Variants in PSD3 observed in about 807,000 individuals in gnomAD.
The protein encoded by PSD3 is PH and SEC7 domain-containing protein 3.
In PSD3, 49 loss-of-function variants were observed where a neutral mutation model predicts 105.5. That is an observed-to-expected ratio of 0.46 (90% confidence interval 0.37 to 0.59). PSD3 has a LOEUF of 0.59. PSD3 is among the 20% of genes least tolerant of loss of function. The pLI is 0.00. For missense variants in PSD3, 1,561 were observed against 1,263.8 expected (o/e 1.24, Z -3.57); for synonymous variants, 557 against 457.8 (o/e 1.22, Z -2.77).
chr8:18,813,152 T>C (rs1160503766), intron 4 of PSD3, among the ~76,000 whole-genome samples: 1 of 152,188 alleles, frequency 6.6e-6, no homozygotes, highest in Non-Finnish European at 1.5e-5. Context: ...TGGCTTGAGA[T>C]GTGCATGGAG....
At chr8:18,612,276 C>G (rs1805321793) in intron 11 of PSD3, among the ~76,000 whole-genome samples, 1 of 152,168 alleles carries the variant, frequency 6.6e-6, no homozygotes, top group South Asian at 2.1e-4. Context: ...AAATTGGATT[C>G]TGATGCTTTC....
chr8:18,851,879 G>A (rs908544520), intron 4 of PSD3, among the ~76,000 whole-genome samples: 21 of 152,146 alleles, frequency 1.4e-4, no homozygotes, highest in Non-Finnish European at 2.5e-4. Flanking sequence ...AACTTTTACC[G>A]TTGGCATTGT....
At chr8:18,958,702 T>C (rs1048344822) in intron 1 of PSD3, among the ~76,000 whole-genome samples, 4 of 152,124 alleles carry the variant, frequency 2.6e-5, no homozygotes, top group East Asian at 3.9e-4. Flanking sequence ...GAAAAACCCA[T>C]ATGGTTAGCA....
chr8:19,055,293 G>C (rs963349497), intron 1 of PSD3, among the ~76,000 whole-genome samples: 1 of 151,634 alleles, frequency 6.6e-6, no homozygotes, highest in African/African-American at 2.4e-5. Flanking sequence ...TGCTCTTTTT[G>C]CCCAGGCTGG....
chr8:18,827,778 G>C (rs1299844811), intron 4 of PSD3, among the ~76,000 whole-genome samples: 1 of 151,660 alleles, frequency 6.6e-6, no homozygotes, highest in Non-Finnish European at 1.5e-5. Context: ...GGTTGAATTT[G>C]AGGCCAATTA....
At chr8:18,928,806 C>T (rs908299647) in intron 2 of PSD3, among the ~76,000 whole-genome samples, 1 of 151,156 alleles carries the variant, frequency 6.6e-6, no homozygotes, top group Non-Finnish European at 1.5e-5. Flanking sequence ...CTCTCTCTCT[C>T]CCTTCCTCTC....
intron 4 of PSD3, among the ~76,000 whole-genome samples, chr8:18,863,332 T>A (rs1377997858): frequency 6.6e-6 from 1 of 152,154 alleles, no homozygotes; most frequent in Non-Finnish European, 1.5e-5. Flanking sequence ...GAAACGTGTA[T>A]AATTGTAAGT....
chr8:19,009,688 G>C (rs921684618), intron 1 of PSD3, among the ~76,000 whole-genome samples: 1 of 152,304 alleles, frequency 6.6e-6, no homozygotes, highest in East Asian at 1.9e-4. Context: ...TCAGGAGTTT[G>C]AGACCAGCCT....
chr8:19,028,299 C>CCCCCCCTT (rs1563517980), intron 1 of PSD3, among the ~76,000 whole-genome samples: 2 of 96,182 alleles, frequency 2.1e-5, no homozygotes, highest in East Asian at 3.4e-4. Flanking sequence ...CCGGCCCACC[C>CCCCCCCTT]TTTTTTTTTT....
At chr8:18,856,646 C>T (rs575128858) in intron 4 of PSD3, among the ~76,000 whole-genome samples, 2 of 152,160 alleles carry the variant, frequency 1.3e-5, no homozygotes, top group South Asian at 4.2e-4. Flanking sequence ...ACCTTGTTTG[C>T]GTTGAGGTGG....
intron 9 of PSD3, among the ~76,000 whole-genome samples, chr8:18,735,019 T>A (rs1387282518): frequency 2.0e-5 from 3 of 152,066 alleles, no homozygotes; most frequent in Non-Finnish European, 4.4e-5. Flanking sequence ...TAATTCAGAG[T>A]AATATTGGCA....
chr8:18,580,103 C>G (rs1802714405), intron 12 of PSD3, among the ~76,000 whole-genome samples: 1 of 152,076 alleles, frequency 6.6e-6, no homozygotes, highest in African/African-American at 2.4e-5. Flanking sequence ...CTAAGTATGT[C>G]TGATTAGGCG....
chr8:18,781,396 T>C (rs574558393), intron 8 of PSD3, among the ~76,000 whole-genome samples: 32 of 152,208 alleles, frequency 2.1e-4, no homozygotes, highest in Non-Finnish European at 3.7e-4. Flanking sequence ...TCTCTTGAAG[T>C]ACCTCCCAAG....
chr8:18,961,822 A>G (rs115766418), intron 1 of PSD3, among the ~76,000 whole-genome samples: 141 of 152,286 alleles, frequency 9.3e-4, no homozygotes, highest in African/African-American at 3.1e-3. Flanking sequence ...TAACAAAACT[A>G]TTCCTAAATC....
chr8:18,716,135 T>C (rs915473910), intron 9 of PSD3, among the ~76,000 whole-genome samples: 1 of 152,100 alleles, frequency 6.6e-6, no homozygotes, highest in Non-Finnish European at 1.5e-5. Flanking sequence ...TCTAGTTAGC[T>C]AGCTTAAAAC....
intron 4 of PSD3, among the ~76,000 whole-genome samples, chr8:18,816,569 A>G (rs1812240264): frequency 6.6e-6 from 1 of 152,266 alleles, no homozygotes; most frequent in Non-Finnish European, 1.5e-5. Flanking sequence ...TTAAGTATAC[A>G]CAACCAAACC....
intron 4 of PSD3, among the ~76,000 whole-genome samples, chr8:18,830,931 T>C (rs1467386463): frequency 1.3e-5 from 2 of 152,234 alleles, no homozygotes; most frequent in Admixed American, 6.5e-5. Context: ...GGAGCTTCCC[T>C]GAAACCATTC....
intron 8 of PSD3, among the ~76,000 whole-genome samples, chr8:18,776,218 C>T (rs1243981482): frequency 6.7e-6 from 1 of 148,964 alleles, no homozygotes; most frequent in Non-Finnish European, 1.5e-5. Flanking sequence ...ATTTCCATGC[C>T]AGTACCATAC....
chr8:19,024,924 G>A (rs1049770179), intron 1 of PSD3, among the ~76,000 whole-genome samples: 2 of 152,124 alleles, frequency 1.3e-5, no homozygotes, highest in African/African-American at 4.8e-5. Context: ...TAAGTAAAGT[G>A]TCTGTGAGCC....
Sources: allele counts gnomAD v4.1 joint callset (sites outside exome capture counted in the v4.1 genomes callset), GRCh38; gene constraint gnomAD v4.1.1; transcripts MANE v1.5; gene names NCBI Gene and HGNC (gene_info 2026-07-23, HGNC 2026-07-21).